HPS1: variants seen among roughly 807,000 people sequenced by gnomAD.
HPS1 encodes the protein HPS1 biogenesis of lysosomal organelles complex 3 subunit 1.
In HPS1, 59 loss-of-function variants were observed where a neutral mutation model predicts 90.6. The ratio of observed to expected loss-of-function variants is 0.65; its 90% CI spans 0.53 to 0.81. The LOEUF is 0.81. Ranked by LOEUF, HPS1 falls within the 30% of genes least tolerant of loss-of-function variation. The pLI is 0.00. For synonymous variants in HPS1, 388 were observed against 384.4 expected (o/e 1.01, Z -0.11); for missense variants, 849 against 896.7 (o/e 0.95, Z 0.68).
intron 13 of HPS1, among the ~76,000 whole-genome samples, chr10:98,425,131 CCT>C (rs1199404935): frequency 6.6e-6 from 1 of 152,186 alleles, no homozygotes; most frequent in Non-Finnish European, 1.5e-5. Context: ...CCTGCACATC[CCT>C]GTGTTGCCCT....
At chr10:98,423,705 G>A (rs199627384) in intron 15 of HPS1, 37 bp from the exon 16 acceptor site, 109 of 1,614,030 alleles carry the variant, frequency 6.8e-5, no homozygotes, top group Non-Finnish European at 3.4e-5. Context: ...AAGGAAGTAC[G>A]GGCCCCAGAC....
At chr10:98,415,125 CT>C (rs768797226), downstream of HPS1, 11 of 1,612,940 alleles carry the variant, frequency 6.8e-6, no homozygotes, top group Admixed American at 1.8e-4. Flanking sequence ...ACCTCGGCCA[CT>C]TGCAGCCATT....
Position 98,417,805 on chromosome 10 carries a change from G to C in HPS1, c.1941-79C>G. On this transcript the variant is annotated intron_variant, in intron 19 of 19. Coordinates refer to ENST00000361490, the MANE Select transcript of HPS1 (RefSeq NM_000195.5). The surrounding 1 kb of genome is among the most constrained non-coding windows in gnomAD (Gnocchi z 4.2). Reference sequence around the variant, plus strand: ...GCGCCAGAGGCCTCTCTGGGCCCTCGCAAGCAAATGCCCATGCCCTCGGTC... The same window carrying C: ...GCGCCAGAGGCCTCTCTGGGCCCTCCCAAGCAAATGCCCATGCCCTCGGTC... The C allele has an allele frequency of 7.4e-7, 1 of 1,343,994 alleles. No individual in the cohort carries two copies. Among genetic ancestry groups the C allele is most frequent in the African/African-American group, 1.4e-5 (1 of 69,698 alleles). 83.3% of individuals were successfully genotyped at this position (1,343,994 alleles called of 1,614,324 possible).
At position 98,441,157 on chromosome 10, in the gene HPS1, G is replaced by T. The variant is rs184533859; in HGVS notation, c.117+1967C>A. Among the ~76,000 whole-genome samples, 261 of 152,250 alleles carry T rather than the reference G, an allele frequency of 1.7e-3. 2 individuals carry two copies. Among genetic ancestry groups the T allele is most frequent in the African/African-American group, 5.9e-3 (246 of 41,534 alleles). ...GGCAATCAGCCCATGCTGCAGAAAT[G>T]TAAGAACACCTTCCACTGCATCCCC... On this transcript the variant is annotated intron_variant, in intron 3 of 19. Coordinates refer to ENST00000361490, the MANE Select transcript of HPS1 (RefSeq NM_000195.5).
downstream of HPS1, chr10:98,415,273 C>T: frequency 8.4e-7 from 1 of 1,192,328 alleles, no homozygotes. Flanking sequence ...CTCCACCATG[C>T]ATTCTTGGCC....
chr10:98,443,289 T>C (rs1296562280), intron 2 of HPS1, 49 bp from the exon 3 acceptor site: 1 of 1,386,726 alleles, frequency 7.2e-7, no homozygotes, highest in East Asian at 2.3e-5. Context: ...CCAACATCTA[T>C]GAGCTCAGTC....
intron 14 of HPS1, 124 bp from the exon 15 acceptor site, chr10:98,424,011 C>A (rs1845262199): frequency 7.4e-7 from 1 of 1,348,852 alleles, no homozygotes; most frequent in Non-Finnish European, 1.0e-6. Flanking sequence ...CCTTGTGGAC[C>A]ACCCCACTCT....
At chr10:98,430,386 A>G (rs1846260095) in intron 8 of HPS1, among the ~76,000 whole-genome samples, 185 bp downstream of exon 8, 1 of 152,164 alleles carries the variant, frequency 6.6e-6, no homozygotes, top group Non-Finnish European at 1.5e-5. Flanking sequence ...CCACTGGACC[A>G]TGTGCACTCC....
intron 10 of HPS1, among the ~76,000 whole-genome samples, chr10:98,427,465 G>A (rs1196344650): frequency 6.6e-6 from 1 of 152,202 alleles, no homozygotes; most frequent in Non-Finnish European, 1.5e-5. Context: ...CAGTACCAGG[G>A]CTAAGGCGGC....
At chr10:98,415,228 G>A, downstream of HPS1, 1 of 1,471,846 alleles carries the variant, frequency 6.8e-7, no homozygotes, top group Non-Finnish European at 9.1e-7. Flanking sequence ...GGAGGAAGCA[G>A]GAAGAGGAGG....
At chr10:98,437,011 A>C (rs1241221771) in intron 3 of HPS1, among the ~76,000 whole-genome samples, 2 of 151,728 alleles carry the variant, frequency 1.3e-5, no homozygotes, top group Non-Finnish European at 2.9e-5. Flanking sequence ...GTTCCAGCTC[A>C]GATTTTTTTT....
intron 10 of HPS1, chr10:98,429,183 T>C (rs1846024455): frequency 1.9e-6 from 2 of 1,058,958 alleles, no homozygotes; most frequent in South Asian, 4.7e-5. Context: ...TTTACCCACA[T>C]ACTTTGGAGA....
chr10:98,425,144 G>A (rs987842119), intron 13 of HPS1, among the ~76,000 whole-genome samples: 6 of 152,186 alleles, frequency 3.9e-5, no homozygotes, highest in African/African-American at 1.4e-4. Flanking sequence ...GTGTTGCCCT[G>A]TGAGCCCGGG....
At chr10:98,424,449 ATCAG>A in intron 13 of HPS1, 75 bp from the exon 14 acceptor site, 4 of 1,338,708 alleles carry the variant, frequency 3.0e-6, no homozygotes, top group Non-Finnish European at 4.2e-6. Flanking sequence ...TCCTTCTCAG[ATCAG>A]GCTCTGAGAG....
At chr10:98,441,827 G>A (rs941438063) in intron 3 of HPS1, among the ~76,000 whole-genome samples, 5 of 152,260 alleles carry the variant, frequency 3.3e-5, no homozygotes, top group African/African-American at 1.2e-4. Flanking sequence ...TTAAAAAGAC[G>A]GACTATAGTG....
intron 13 of HPS1, 116 bp from the exon 14 acceptor site, chr10:98,424,490 C>T: frequency 2.2e-6 from 2 of 891,352 alleles, no homozygotes; most frequent in Non-Finnish European, 3.6e-6. Context: ...ACAAATCTGC[C>T]CTTCTGGCCA....
chr10:98,439,159 G>C (rs1462964160), intron 3 of HPS1, among the ~76,000 whole-genome samples: 1 of 152,212 alleles, frequency 6.6e-6, no homozygotes, highest in Non-Finnish European at 1.5e-5. Context: ...AGCCCTCATG[G>C]AGAACCTCTG....
intron 2 of HPS1, among the ~76,000 whole-genome samples, chr10:98,443,736 T>TA (rs1938884911): frequency 6.6e-6 from 1 of 151,996 alleles, no homozygotes; most frequent in South Asian, 2.1e-4. Context: ...CTCCCTCAGA[T>TA]AAAAACAGTT....
At position 98,429,605 on chromosome 10, in the gene HPS1, G is replaced by A. The variant is rs1180271356; in HGVS notation, c.905C>T (p.Thr302Ile). The A allele has an allele frequency of 2.5e-6, 4 of 1,614,116 alleles. No homozygotes were observed. Among genetic ancestry groups the A allele is most frequent in the East Asian group, 4.5e-5 (2 of 44,898 alleles). ...DSFSLPEEYF[T>I]PAPSPGDQSS... is the part of the protein sequence containing the mutation. ...CTGATCGCCAGGGGAAGGAGCTGGT[G>A]TGAAGTACTCCTCAGGGAGGGAGAA... Residue 302 changes from threonine (T) to isoleucine (I), a missense_variant, in exon 10 of 20, where the codon ACA becomes ATA. Coordinates refer to ENST00000361490, the MANE Select transcript of HPS1 (RefSeq NM_000195.5).
Sources: allele counts gnomAD v4.1 joint callset (sites outside exome capture counted in the v4.1 genomes callset), GRCh38; gene constraint gnomAD v4.1.1; non-coding constraint Gnocchi (gnomAD v3.1); transcripts MANE v1.5; gene names NCBI Gene and HGNC (gene_info 2026-07-23, HGNC 2026-07-21).